Variants in KIAA0232 observed in about 807,000 individuals in gnomAD.
KIAA0232 encodes uncharacterized protein KIAA0232.
In KIAA0232, 27 loss-of-function variants were observed where a neutral mutation model predicts 122.0. The ratio of observed to expected loss-of-function variants is 0.22; its 90% CI spans 0.16 to 0.31. The LOEUF (loss-of-function observed/expected upper bound fraction) is 0.31, where lower values mean the gene tolerates loss of function less well. Ranked by LOEUF, KIAA0232 falls within the 10% of genes least tolerant of loss-of-function variation. The pLI is 1.00. For synonymous variants in KIAA0232, 613 were observed against 587.6 expected (o/e 1.04, Z -0.63); for missense variants, 1,551 against 1,634.2 (o/e 0.95, Z 0.88).
At chr4:6,804,204 C>G (rs1173119656) in intron 1 of KIAA0232, among the ~76,000 whole-genome samples, 1 of 152,134 alleles carries the variant, frequency 6.6e-6, no homozygotes, top group African/African-American at 2.4e-5. Flanking sequence ...AGCAGCTGTA[C>G]CTAATACTTA....
At chr4:6,871,175 G>T (rs749658163) in intron 7 of KIAA0232, among the ~76,000 whole-genome samples, 7 of 152,156 alleles carry the variant, frequency 4.6e-5, no homozygotes, top group Non-Finnish European at 1.0e-4. Flanking sequence ...GCTCATGCCT[G>T]TAATCCCAGT....
chr4:6,847,821 G>A (rs1720048433), intron 4 of KIAA0232, among the ~76,000 whole-genome samples: 1 of 150,494 alleles, frequency 6.6e-6, no homozygotes, highest in Admixed American at 6.6e-5. Flanking sequence ...CATATACCTG[G>A]TATTTGTTAA....
intron 2 of KIAA0232, among the ~76,000 whole-genome samples, chr4:6,819,965 G>A (rs1718343803): frequency 6.6e-6 from 1 of 152,126 alleles, no homozygotes; most frequent in African/African-American, 2.4e-5. Context: ...GGATGCAGCT[G>A]GAGGATAATA....
intron 7 of KIAA0232, among the ~76,000 whole-genome samples, chr4:6,870,725 A>G (rs1334899297): frequency 1.3e-5 from 2 of 151,796 alleles, no homozygotes; most frequent in Admixed American, 1.3e-4. Context: ...TCATTTGAAC[A>G]CTGGAGGCAG....
Position 6,824,417 on chromosome 4 carries a change from A to C in KIAA0232, c.-37A>C. On this transcript the variant is annotated 5_prime_UTR_variant, in exon 3 of 10. It removes an upstream start codon present in the reference 5' UTR. Transcript: ENST00000307659. ...ACCAACAGAATATCAACTGCAGAAA[A>C]TGCTTCACATTTTAAGGATGTCGGC... 1 of 1,530,546 alleles carries C rather than the reference A, an allele frequency of 6.5e-7. No homozygotes were observed. Among genetic ancestry groups the C allele is most frequent in the South Asian group, 1.1e-5 (1 of 89,420 alleles). 94.8% of individuals were successfully genotyped at this position (1,530,546 alleles called of 1,614,324 possible). A position where few individuals can be genotyped will look rare whatever the true frequency, so the allele number is the denominator to read the frequency against.
intron 3 of KIAA0232, among the ~76,000 whole-genome samples, chr4:6,826,932 C>A (rs577760177): frequency 2.0e-5 from 3 of 152,158 alleles, no homozygotes; most frequent in African/African-American, 7.2e-5. Flanking sequence ...TTTACTAACT[C>A]TAGGGGGTTG....
chr4:6,828,186 GC>G (rs1475234886), intron 3 of KIAA0232, among the ~76,000 whole-genome samples: 1 of 152,052 alleles, frequency 6.6e-6, no homozygotes, highest in African/African-American at 2.4e-5. Flanking sequence ...AGTTTAACCA[GC>G]CTGGGCAACA....
chr4:6,801,633 A>G (rs933679519), intron 1 of KIAA0232, among the ~76,000 whole-genome samples: 43 of 152,148 alleles, frequency 2.8e-4, no homozygotes, highest in Non-Finnish European at 7.4e-5. Context: ...GCAGCGAACT[A>G]TGATTGCTCC....
chr4:6,805,009 C>T (rs1717550866), intron 2 of KIAA0232, among the ~76,000 whole-genome samples: 1 of 152,152 alleles, frequency 6.6e-6, no homozygotes, highest in Non-Finnish European at 1.5e-5. Flanking sequence ...AGATGTCCTG[C>T]AATAAACCTG....
chr4:6,856,487 T>G (rs916223522), intron 4 of KIAA0232, among the ~76,000 whole-genome samples: 1 of 152,220 alleles, frequency 6.6e-6, no homozygotes, highest in Non-Finnish European at 1.5e-5. Flanking sequence ...CTTTAAAGGT[T>G]GACTCTTATT....
intron 4 of KIAA0232, among the ~76,000 whole-genome samples, chr4:6,848,124 C>T (rs755144959): frequency 1.3e-5 from 2 of 152,196 alleles, no homozygotes; most frequent in Non-Finnish European, 2.9e-5. Context: ...CCTTAGAGGA[C>T]TTACACCCTA....
intron 3 of KIAA0232, among the ~76,000 whole-genome samples, chr4:6,830,407 T>A (rs990524459): frequency 3.8e-4 from 54 of 143,664 alleles, no homozygotes; most frequent in African/African-American, 1.2e-3. Flanking sequence ...TGTTGTCTTT[T>A]TTTTTTTTTT....
intron 7 of KIAA0232, chr4:6,866,251 C>G (rs188144576): frequency 2.3e-4 from 230 of 982,630 alleles, no homozygotes; most frequent in Non-Finnish European, 2.6e-4. Context: ...CTACCATATT[C>G]CTTCGCTTTC....
chr4:6,869,534 C>G (rs1022760288), intron 7 of KIAA0232, among the ~76,000 whole-genome samples: 2 of 152,206 alleles, frequency 1.3e-5, no homozygotes, highest in African/African-American at 4.8e-5. Context: ...ACCTTGTTTG[C>G]GGGAAGCCCA....
Position 6,862,033 on chromosome 4 carries a change from T to C in KIAA0232, c.1651T>C (p.Cys551Arg), listed in dbSNP as rs1553844205. 3 of 1,614,086 alleles carry C rather than the reference T, an allele frequency of 1.9e-6. No individual in the cohort carries two copies. Among genetic ancestry groups the C allele is most frequent in the Non-Finnish European group, 2.5e-6 (3 of 1,180,032 alleles). The part of the protein sequence containing the change: ...SKENTDFEAE[C>R]CIVLDGMELQ... The stretch of plus-strand genomic sequence containing the variant: ...AGAGAACACAGATTTTGAGGCAGAA[T>C]GTTGCATAGTGTTAGATGGTATGGA... Residue 551 changes from cysteine to arginine, a missense_variant, in exon 7 of 10, where the codon TGT becomes CGT. By Grantham distance (180) the Cys-to-Arg change is radical (BLOSUM62 -3). Transcript: ENST00000307659.
At chr4:6,799,096 A>G (rs889806952) in intron 1 of KIAA0232, among the ~76,000 whole-genome samples, 2 of 151,958 alleles carry the variant, frequency 1.3e-5, no homozygotes, top group African/African-American at 2.4e-5. Context: ...AGCTTGGTCC[A>G]TGCCCTACTC....
intron 9 of KIAA0232, among the ~76,000 whole-genome samples, chr4:6,877,587 A>G (rs1291894248): frequency 6.6e-6 from 1 of 152,186 alleles, no homozygotes; most frequent in Non-Finnish European, 1.5e-5. Flanking sequence ...TCCCAGTCCC[A>G]GTCCCAAAAC....
chr4:6,815,585 G>C lies in KIAA0232; in HGVS notation c.-269-8600G>C, dbSNP rs75959943. On this transcript the variant is annotated intron_variant, in intron 2 of 9. Transcript: ENST00000307659. ...TACAGGAAGAAGCCATCGTGTGGTT[G>C]GTGCTTCTGTCTAAAAACCCCAGTT... is the stretch of plus-strand genomic sequence containing the variant. Among the ~76,000 whole-genome samples, 1,299 of 152,244 alleles carry C rather than the reference G, an allele frequency of 8.5e-3. 15 individuals carry two copies. The highest frequency in any genetic ancestry group is 0.024 in the African/African-American group (985 of 41,544).
chr4:6,824,814 G>T, intron 3 of KIAA0232, 130 bp downstream of exon 3: 1 of 749,652 alleles, frequency 1.3e-6, no homozygotes. Context: ...ACCTGTCAGT[G>T]ACCAGATGGT....
Sources: allele counts gnomAD v4.1 joint callset (sites outside exome capture counted in the v4.1 genomes callset), GRCh38; gene constraint gnomAD v4.1.1; transcripts MANE v1.5; gene names NCBI Gene and HGNC (gene_info 2026-07-23, HGNC 2026-07-21).